The following DDX56 variants were observed in gnomAD, a reference collection of about 807,000 sequenced individuals.
DDX56 encodes the protein DEAD-box helicase 56, also known as probable ATP-dependent RNA helicase DDX56.
DDX56 carries 45 observed loss-of-function variants against 61.5 expected under a neutral mutation model. The ratio of observed to expected loss-of-function variants is 0.73; its 90% CI spans 0.58 to 0.94. The LOEUF is 0.94. DDX56 is among the 40% of genes least tolerant of loss of function. DDX56 has a pLI of 0.00. For synonymous variants in DDX56, 273 were observed against 268.3 expected (o/e 1.02, Z -0.17); for missense variants, 708 against 690.7 (o/e 1.02, Z -0.28).
intron 2 of DDX56, 78 bp from the exon 3 acceptor site, chr7:44,573,128 C>T (rs1802722730): frequency 7.5e-7 from 1 of 1,339,228 alleles, no homozygotes; most frequent in Non-Finnish European, 1.0e-6. Context: ...TTCCAGCCTA[C>T]CTGACCCATC....
At position 44,568,522 on chromosome 7, in the gene DDX56, T is replaced by C. The variant is rs867756079; in HGVS notation, c.1384-299A>G. On this transcript the variant is annotated intron_variant, in intron 11 of 13. Transcript: ENST00000258772. The stretch of plus-strand genomic sequence containing the variant: ...GGCTCTGAATGCACCTGAGTTTACC[T>C]AGCAAGCCCCCTATGGTGGCCCCAG... Among the ~76,000 whole-genome samples, 33 of 152,098 alleles carry C rather than the reference T, an allele frequency of 2.2e-4. 1 individual carries two copies. The highest frequency in any genetic ancestry group is 8.0e-4 in the African/African-American group (33 of 41,432).
chr7:44,573,791 C>T (rs750903776), intron 1 of DDX56, 45 bp downstream of exon 1: 4 of 1,613,282 alleles, frequency 2.5e-6, no homozygotes, highest in African/African-American at 2.7e-5. Context: ...AGCGATGGCG[C>T]GCCCCGCAGA....
At position 44,570,254 on chromosome 7, in the gene DDX56, C is replaced by A. The variant is rs1278618215; in HGVS notation, c.1011-126G>T. 8.2e-6 allele frequency: 10 copies of A among 1,223,620 alleles called. No individual in the cohort carries two copies. The South Asian group carries it at 1.5e-4, about 18-fold the overall frequency. The allele number at this position is 1,223,620 out of a possible 1,614,324, so 75.8% of individuals were successfully genotyped here. On this transcript the variant is annotated intron_variant, in intron 7 of 13. Coordinates refer to ENST00000258772, the MANE Select transcript of DDX56 (RefSeq NM_019082.4). ...AGACCCTGACATACAGAGGACTCTC[C>A]AACAATGGAACCGTTCCAGGAGTCA...
rs775244289 is a variant in DDX56 at position 44,572,994 on chromosome 7, C to T, written c.279G>A (p.Glu93=). Residue 93 remains glutamate (E), a synonymous_variant, in exon 3 of 14, where the codon GAG becomes GAA. Transcript: ENST00000258772. ...TCATGGACTGTGCTTGCCGTGCCAGCTCCTTGGTAGGAACAAGAACAAGGC... is the reference window on the plus strand; with the variant it reads ...TCATGGACTGTGCTTGCCGTGCCAGTTCCTTGGTAGGAACAAGAACAAGGC... ...VRGLVLVPTK[E]LARQAQSMIQ... is the part of the protein sequence containing the mutation. 2 of 1,612,866 alleles carry T rather than the reference C, an allele frequency of 1.2e-6. No homozygotes were observed. The highest frequency in any genetic ancestry group is 1.7e-6 in the Non-Finnish European group (2 of 1,179,462).
rs1562584402 is a variant in DDX56 at position 44,570,737 on chromosome 7, GAA to G, written c.1010+19_1010+20del. The G allele has an allele frequency of 6.3e-7, 1 of 1,585,976 alleles. No individual in the cohort carries two copies. ...ACACAGGCATTTCTGGGGAGGGATG[GAA>G]AAAGAGGCATGGACTCACTTGTCCC... is the stretch of plus-strand genomic sequence containing the variant. On this transcript the variant is annotated intron_variant, in intron 7 of 13. Transcript: ENST00000258772.
At chr7:44,571,836 G>A in intron 5 of DDX56, 100 bp from the exon 6 acceptor site, 2 of 1,481,188 alleles carry the variant, frequency 1.4e-6, no homozygotes, top group Non-Finnish European at 1.8e-6. Context: ...GTGCAGGGCA[G>A]AGATGCATTT....
At chr7:44,570,526 T>G (rs1003509140) in intron 7 of DDX56, among the ~76,000 whole-genome samples, 8 of 152,234 alleles carry the variant, frequency 5.3e-5, no homozygotes, top group Non-Finnish European at 1.0e-4. Flanking sequence ...GGGCTCTGCA[T>G]GCCAACAACC....
chr7:44,566,560 G>GAGAT, intron 12 of DDX56, 36 bp from the exon 13 acceptor site: 1 of 1,460,778 alleles, frequency 6.8e-7, no homozygotes, highest in South Asian at 1.3e-5. Flanking sequence ...TGGGCTCACC[G>GAGAT]CTACTGCTCC....
rs144290100 is a variant in DDX56 at position 44,568,306 on chromosome 7, C to G, written c.1384-83G>C. On this transcript the variant is annotated intron_variant, in intron 11 of 13. Transcript: ENST00000258772. ...ACCTAGCTTTTCAAAGGATAACACA[C>G]TCATGTGTTTCAAAAGGCATGAGGC... The G allele has an allele frequency of 1.3e-5, 13 of 994,284 alleles. No homozygotes were observed. In the East Asian group the frequency reaches 2.8e-4, roughly 22 times the overall value. The allele number at this position is 994,284 out of a possible 1,614,324, so 61.6% of individuals were successfully genotyped here.
intron 2 of DDX56, among the ~76,000 whole-genome samples, 170 bp downstream of exon 2, chr7:44,573,413 G>A (rs944564821): frequency 5.3e-5 from 8 of 152,232 alleles, no homozygotes. Flanking sequence ...GCCGGACAAG[G>A]ATCCAGGTAA....
chr7:44,570,068 C>A lies in DDX56; in HGVS notation c.1071G>T (p.Val357=). 1 of 1,614,150 alleles carries A rather than the reference C, an allele frequency of 6.2e-7. No individual in the cohort carries two copies. Among genetic ancestry groups the A allele is most frequent in the Non-Finnish European group, 8.5e-7 (1 of 1,180,028 alleles). The change falls in exon 8 of 14, where the codon GTG becomes GTT. Residue 357 remains valine, a synonymous_variant. Transcript: ENST00000258772. Reference sequence around the variant, plus strand: ...GGGTTGGGGGAAGATCAAAGTTGAGCACAGCAGACACATGGTGGAAGTCTA... The same window carrying A: ...GGGTTGGGGGAAGATCAAAGTTGAGAACAGCAGACACATGGTGGAAGTCTA... ...RGIDFHHVSA[V]LNFDLPPTPE...
At chr7:44,569,497 T>A (rs370296353) in intron 9 of DDX56, among the ~76,000 whole-genome samples, 11 of 152,080 alleles carry the variant, frequency 7.2e-5, no homozygotes, top group African/African-American at 2.7e-4. Context: ...GGTACCCCCA[T>A]GACGACGGCC....
At position 44,566,322 on chromosome 7, in the gene DDX56, C is replaced by G. The variant is rs372642636; in HGVS notation, c.1566+126G>C. ...TTTGGGGCCCGGTTCTAGGGTGCCC[C>G]CTCTTCCCCTCCCTAGGGCACCCTC... On this transcript the variant is annotated intron_variant, in intron 13 of 13. Transcript: ENST00000258772. 246 of 952,046 alleles carry G rather than the reference C, an allele frequency of 2.6e-4. No individual in the cohort carries two copies. The African/African-American group carries it at 3.7e-3, about 14-fold the overall frequency. The allele number at this position is 952,046 out of a possible 1,614,324, so 59.0% of individuals were successfully genotyped here. A position where few individuals can be genotyped will look rare whatever the true frequency, so the allele number is the denominator to read the frequency against.
intron 12 of DDX56, chr7:44,567,649 G>A (rs764151615): frequency 4.6e-4 from 100 of 216,806 alleles, no homozygotes; most frequent in Non-Finnish European, 3.6e-4. Flanking sequence ...CTACCTTGTC[G>A]GTTTAGGCCT....
At chr7:44,566,131 C>CCAAA in intron 13 of DDX56, 52 bp from the exon 14 acceptor site, 1 of 1,051,734 alleles carries the variant, frequency 9.5e-7, no homozygotes. Flanking sequence ...GACAGACAAT[C>CCAAA]CACCCACCCA....
In DDX56 at chr7:44,572,317, A is replaced by G. The variant is rs760717300; in HGVS notation, c.645+30T>C. On this transcript the variant is annotated intron_variant, in intron 5 of 13. Transcript: ENST00000258772. The stretch of plus-strand genomic sequence containing the variant: ...GATCTTTGAGTGCCCCCATGTCTGC[A>G]GCTCCAGACACTTCCATGGTGCCTC... 6.9e-6 allele frequency: 11 copies of G among 1,584,382 alleles called. No individual in the cohort carries two copies. The East Asian group carries it at 2.5e-4, about 35-fold the overall frequency.
chr7:44,570,755 C>T lies in DDX56; in HGVS notation c.1010+3G>A, dbSNP rs1802649457. The T allele has an allele frequency of 6.2e-7, 1 of 1,606,914 alleles. No individual in the cohort carries two copies. On this transcript the variant is annotated splice_donor_region_variant and intron_variant, in intron 7 of 13. Coordinates refer to ENST00000258772, the MANE Select transcript of DDX56 (RefSeq NM_019082.4). ...AGGGATGGAAAAAGAGGCATGGACT[C>T]ACTTGTCCCCTTTGGGCCCTCGGCC...
intron 12 of DDX56, among the ~76,000 whole-genome samples, chr7:44,567,538 A>G (rs1802573958): frequency 6.6e-6 from 1 of 152,242 alleles, no homozygotes; most frequent in African/African-American, 2.4e-5. Flanking sequence ...ATGGCCACAT[A>G]AAGCTCTAGC....
In DDX56 at chr7:44,573,656, C is replaced by G. The variant is rs768336039; in HGVS notation, c.149G>C (p.Arg50Pro). ...CGTCTTCCCGGAGCCCGTGCGGGCC[C>G]GAGCCAGGAGGTCCTTCCCTTCTAG... ...LALEGKDLLA[R>P]ARTGSGKTAA... is the part of the protein sequence containing the mutation. The change falls in exon 2 of 14, where the codon CGG (arginine) becomes CCG (proline). Residue 50 changes from arginine (R) to proline (P), a missense_variant. Transcript: ENST00000258772. 5 of 1,613,736 alleles carry G rather than the reference C, an allele frequency of 3.1e-6. No individual in the cohort carries two copies. Among genetic ancestry groups the G allele is most frequent in the East Asian group, 2.2e-5 (1 of 44,876 alleles).
Sources: gnomAD v4.1 joint callset for allele counts (sites outside exome capture counted in the v4.1 genomes callset) on GRCh38, gnomAD v4.1.1 for gene constraint, MANE v1.5 for transcripts, NCBI Gene and HGNC (gene_info 2026-07-23, HGNC 2026-07-21) for gene names.